The following TSBP1 variants were observed in gnomAD, a reference collection of about 807,000 sequenced individuals.
The protein encoded by TSBP1 is testis expressed basic protein 1.
TSBP1 carries 56 observed loss-of-function variants against 68.8 expected under a neutral mutation model. The observed-to-expected ratio is 0.81, with a 90% CI of 0.66 to 1.02. The LOEUF is 1.02. Among genes scored for constraint, TSBP1 ranks in the 50% least tolerant of loss-of-function variants. The pLI is 0.00. For synonymous variants in TSBP1, 171 were observed against 208.7 expected (o/e 0.82, Z 1.56); for missense variants, 502 against 641.2 (o/e 0.78, Z 2.34).
In TSBP1 at chr6:32,306,307, A is replaced by T. The variant is rs1428608085; in HGVS notation, c.581-3678T>A. On this transcript the variant is annotated intron_variant, in intron 19 of 22. Transcript: ENST00000612031. The surrounding 1 kb of genome is among the most constrained non-coding windows in gnomAD (Gnocchi z 5.1). ...ACAAAGACGTTCCCAACCTCCTCTG[A>T]CTCTTGCTGGCATCCAGATCTCTGT... Among the ~76,000 whole-genome samples, 2 of 151,850 alleles carry T rather than the reference A, an allele frequency of 1.3e-5. No individual in the cohort carries two copies. The highest frequency in any genetic ancestry group is 2.9e-5 in the Non-Finnish European group (2 of 67,940).
chr6:32,330,592 T>C (rs749631578), exon 16 of TSBP1: 88 of 1,608,116 alleles, frequency 5.5e-5, no homozygotes, highest in Non-Finnish European at 6.9e-5. Flanking sequence ...TACTTACCAT[T>C]GGATCCAGGA....
At chr6:32,300,652 G>C (rs11969268) in intron 21 of TSBP1, 28 bp downstream of exon 24, 21,273 of 1,609,032 alleles carry the variant, frequency 0.013, 672 homozygotes, top group African/African-American at 0.13. Flanking sequence ...ACAGAAATAG[G>C]TAAGGCAAGG....
Position 32,292,769 on chromosome 6 carries a change from C to G in TSBP1, c.*212G>C, listed in dbSNP as rs767626873. 214 of 526,472 alleles carry G rather than the reference C, an allele frequency of 4.1e-4. 2 individuals are homozygous for G. Among genetic ancestry groups the G allele is most frequent in the Non-Finnish European group, 9.9e-5 (30 of 303,200 alleles). The allele number at this position is 526,472 out of a possible 1,614,324, so 32.6% of individuals were successfully genotyped here. A position where few individuals can be genotyped will look rare whatever the true frequency, so the allele number is the denominator to read the frequency against. ...CAGTCTTTCTTGACGGAATCATATA[C>G]GTCTTAACTTATAAAACAAATATTT... is the stretch of plus-strand genomic sequence containing the variant. On this transcript the variant is annotated 3_prime_UTR_variant, in exon 23 of 23. Transcript: ENST00000612031. This position sits in a 1 kb window ranked among gnomAD's most constrained non-coding sequence, Gnocchi z 4.1.
chr6:32,370,064 T>C, intron 1 of TSBP1, 81 bp from the exon 2 acceptor site: 1 of 832,694 alleles, frequency 1.2e-6, no homozygotes. Context: ...CCTCTTACTA[T>C]CCACCAGATA....
intron 15 of TSBP1, 80 bp downstream of exon 16, chr6:32,331,954 T>TA: frequency 1.0e-6 from 1 of 986,420 alleles, no homozygotes; most frequent in Non-Finnish European, 1.6e-6. Context: ...TTAACCCAGA[T>TA]ACTTAAACAG....
At chr6:32,356,367 A>G (rs1403554470) in intron 6 of TSBP1, among the ~76,000 whole-genome samples, 1 of 151,842 alleles carries the variant, frequency 6.6e-6, no homozygotes, top group Non-Finnish European at 1.5e-5. Flanking sequence ...AGTCATTGTG[A>G]TGGGAATTAA....
intron 6 of TSBP1, among the ~76,000 whole-genome samples, chr6:32,362,073 G>A (rs1773093005): frequency 6.6e-6 from 1 of 151,966 alleles, no homozygotes; most frequent in African/African-American, 2.4e-5. Context: ...GGCGGATCAC[G>A]AGGTCAGGAG....
intron 19 of TSBP1, among the ~76,000 whole-genome samples, chr6:32,310,761 A>ATATTTTT: frequency 4.1e-5 from 6 of 144,806 alleles, no homozygotes; most frequent in African/African-American, 1.5e-4. Flanking sequence ...ATATATATAT[A>ATATTTTT]TTTTTAATCT....
chr6:32,341,226 A>T (rs2143468), intron 9 of TSBP1, among the ~76,000 whole-genome samples: 51,149 of 152,092 alleles, frequency 0.34, 9,667 homozygotes, highest in Middle Eastern at 0.52. Flanking sequence ...TACGATGTAC[A>T]TATCCTGCCA....
At chr6:32,360,636 T>C (rs1258783610) in intron 6 of TSBP1, among the ~76,000 whole-genome samples, 1 of 152,222 alleles carries the variant, frequency 6.6e-6, no homozygotes, top group African/African-American at 2.4e-5. Context: ...CTGTTTTCCA[T>C]AATGGCTGTA....
chr6:32,370,645 T>C (rs1227218088), intron 1 of TSBP1, among the ~76,000 whole-genome samples: 1 of 151,860 alleles, frequency 6.6e-6, no homozygotes, highest in Non-Finnish European at 1.5e-5. Flanking sequence ...AACCTCCTGA[T>C]GATAAGATGG....
intron 16 of TSBP1, among the ~76,000 whole-genome samples, chr6:32,327,240 T>C (rs538210224): frequency 7.9e-5 from 12 of 152,290 alleles, no homozygotes; most frequent in Non-Finnish European, 1.0e-4. Context: ...CCAGGCCCTA[T>C]AGGAAGCCAA....
rs1411619243 is a variant in TSBP1, at chr6:32,346,071, G to C, written c.349+3669C>G. ...CGCCCAGGCCGGACTGCGGACTGCA[G>C]TGGCGCAATCTCGGCTCACTGCAAG... On this transcript the variant is annotated intron_variant, in intron 9 of 22. Coordinates refer to ENST00000612031, the Ensembl canonical transcript of TSBP1. Among the ~76,000 whole-genome samples the C allele has an allele frequency of 2.2e-4, 2 of 9,198 alleles. 1 individual carries two copies. The highest frequency in any genetic ancestry group is 5.2e-4 in the Non-Finnish European group (2 of 3,860). 6.0% of individuals were successfully genotyped at this position (9,198 alleles called of 152,430 possible). A position where few individuals can be genotyped will look rare whatever the true frequency, so the allele number is the denominator to read the frequency against.
intron 21 of TSBP1, among the ~76,000 whole-genome samples, chr6:32,300,266 A>G (rs1050713085): frequency 6.6e-6 from 1 of 152,174 alleles, no homozygotes; most frequent in African/African-American, 2.4e-5. Flanking sequence ...TTTTTTGCTC[A>G]CTGTTCTGGT....
rs950407940 is a variant in TSBP1, at chr6:32,333,600, C to T, written c.473-1546G>A. 2.8e-5 allele frequency among the ~76,000 whole-genome samples: 4 copies of T among 143,528 alleles called. No homozygotes were observed. The highest frequency in any genetic ancestry group is 9.9e-5 in the African/African-American group (4 of 40,228). 94.2% of individuals were successfully genotyped at this position (143,528 alleles called of 152,430 possible). A position where few individuals can be genotyped will look rare whatever the true frequency, so the allele number is the denominator to read the frequency against. ...TCCTAGGTGGCTATGTGGACACCTG[C>T]ATAGATCATGGCGAGTACTACTCCC... On this transcript the variant is annotated intron_variant, in intron 14 of 22. Coordinates refer to ENST00000612031, the Ensembl canonical transcript of TSBP1. This position sits in a 1 kb window ranked among gnomAD's most constrained non-coding sequence, Gnocchi z 4.2.
At chr6:32,301,959 AATCATC>A (rs201248872) in intron 20 of TSBP1, among the ~76,000 whole-genome samples, 81 of 73,738 alleles carry the variant, frequency 1.1e-3, no homozygotes, top group East Asian at 4.3e-3. Flanking sequence ...AAATAGTTGA[AATCATC>A]ATCATAATAA....
intron 8 of TSBP1, among the ~76,000 whole-genome samples, chr6:32,352,700 C>T (rs774570117): frequency 2.0e-5 from 3 of 151,250 alleles, no homozygotes; most frequent in Non-Finnish European, 4.4e-5. Context: ...TTTTAAGGTT[C>T]AAAATAAAAG....
At chr6:32,303,843 C>T (rs1765533309) in intron 19 of TSBP1, among the ~76,000 whole-genome samples, 1 of 152,158 alleles carries the variant, frequency 6.6e-6, no homozygotes, top group African/African-American at 2.4e-5. Flanking sequence ...AGTGTTTTCT[C>T]TGTTTGCATT....
At chr6:32,308,929 C>T (rs1197426260) in intron 19 of TSBP1, among the ~76,000 whole-genome samples, 1 of 148,398 alleles carries the variant, frequency 6.7e-6, no homozygotes, top group African/African-American at 2.5e-5. Context: ...TTCTCCTTCA[C>T]TCTCTCCTTC....
Sources: allele counts gnomAD v4.1 joint callset (sites outside exome capture counted in the v4.1 genomes callset), GRCh38; gene constraint gnomAD v4.1.1; non-coding constraint Gnocchi (gnomAD v3.1); transcripts MANE v1.5; gene names NCBI Gene and HGNC (gene_info 2026-07-23, HGNC 2026-07-21).